The following ARHGAP42 variants were observed in gnomAD, a reference collection of about 807,000 sequenced individuals.
ARHGAP42 encodes Rho GTPase activating protein 42, also known as rho GTPase-activating protein 42.
ARHGAP42 carries 63 observed loss-of-function variants against 125.0 expected under a neutral mutation model. The observed-to-expected ratio is 0.50, with a 90% CI of 0.41 to 0.62. The LOEUF is 0.62. Among genes scored for constraint, ARHGAP42 ranks in the 20% least tolerant of loss-of-function variants. ARHGAP42 has a pLI of 0.00. For missense variants in ARHGAP42, 766 were observed against 1,024.2 expected (o/e 0.75, Z 3.44); for synonymous variants, 339 against 351.0 (o/e 0.97, Z 0.38).
intron 3 of ARHGAP42, among the ~76,000 whole-genome samples, chr11:100,818,244 AC>A (rs1279976304): frequency 2.0e-5 from 3 of 152,044 alleles, no homozygotes; most frequent in Non-Finnish European, 4.4e-5. Flanking sequence ...TCATCCACTG[AC>A]CCATTATTCA....
intron 5 of ARHGAP42, among the ~76,000 whole-genome samples, chr11:100,918,775 C>T (rs1409064638): frequency 2.0e-5 from 3 of 152,104 alleles, no homozygotes; most frequent in East Asian, 1.9e-4. Context: ...TTCAGTAGTC[C>T]GCATTGGAGG....
At position 100,745,143 on chromosome 11, in the gene ARHGAP42, G is replaced by A. The variant is rs144182786; in HGVS notation, c.155-25200G>A. Among the ~76,000 whole-genome samples the A allele has an allele frequency of 2.2e-3, 339 of 152,324 alleles. 2 individuals are homozygous for A. The highest frequency in any genetic ancestry group is 7.6e-3 in the African/African-American group (316 of 41,568). On this transcript the variant is annotated intron_variant, in intron 1 of 23. Transcript: ENST00000298815. Reference sequence around the variant, plus strand: ...CAGGTAATGGGAATAAGTCAGGGTGGAGAAGGTAATTGAAAAAGGTTGCTT... The same window carrying A: ...CAGGTAATGGGAATAAGTCAGGGTGAAGAAGGTAATTGAAAAAGGTTGCTT...
At chr11:100,864,128 T>A (rs1865512205) in intron 4 of ARHGAP42, among the ~76,000 whole-genome samples, 1 of 152,128 alleles carries the variant, frequency 6.6e-6, no homozygotes, top group Non-Finnish European at 1.5e-5. Flanking sequence ...GCACTTTATA[T>A]GCCTGTTGCT....
At chr11:100,815,962 T>C (rs1347832241) in intron 3 of ARHGAP42, among the ~76,000 whole-genome samples, 1 of 152,216 alleles carries the variant, frequency 6.6e-6, no homozygotes, top group Non-Finnish European at 1.5e-5. Flanking sequence ...TCATTCATGT[T>C]GTAGCATGCG....
chr11:100,877,992 G>A (rs1418979340), intron 4 of ARHGAP42, among the ~76,000 whole-genome samples: 10 of 134,450 alleles, frequency 7.4e-5, no homozygotes, highest in South Asian at 2.4e-4. Flanking sequence ...GTGACGCAGC[G>A]AGACTCTGTC....
chr11:100,982,810 G>A (rs754226993), intron 22 of ARHGAP42, among the ~76,000 whole-genome samples: 2 of 152,060 alleles, frequency 1.3e-5, no homozygotes, highest in Non-Finnish European at 2.9e-5. Context: ...AATTACAAAG[G>A]ACAAAAAGCT....
At chr11:100,942,102 G>A (rs757613119) in intron 9 of ARHGAP42, among the ~76,000 whole-genome samples, 2 of 152,118 alleles carry the variant, frequency 1.3e-5, no homozygotes, top group Admixed American at 6.6e-5. Context: ...ATAAGCAGTC[G>A]AGTTAAATGT....
intron 11 of ARHGAP42, among the ~76,000 whole-genome samples, chr11:100,949,569 A>G (rs1344667095): frequency 3.3e-5 from 5 of 152,180 alleles, no homozygotes; most frequent in Non-Finnish European, 5.9e-5. Context: ...CAGGCTAAGC[A>G]GGAAATTGGA....
chr11:100,919,757 G>T (rs1224143362), intron 5 of ARHGAP42, among the ~76,000 whole-genome samples: 3 of 152,094 alleles, frequency 2.0e-5, no homozygotes, highest in Non-Finnish European at 4.4e-5. Context: ...GAATAGAATA[G>T]TGTCCCTAAA....
chr11:100,864,272 C>T (rs1591249072), intron 4 of ARHGAP42, among the ~76,000 whole-genome samples: 1 of 151,866 alleles, frequency 6.6e-6, no homozygotes, highest in African/African-American at 2.4e-5. Flanking sequence ...GCAACCTCCA[C>T]CTCCCGGCTT....
intron 2 of ARHGAP42, among the ~76,000 whole-genome samples, chr11:100,780,509 T>C (rs1438910391): frequency 6.6e-6 from 1 of 152,234 alleles, no homozygotes; most frequent in Non-Finnish European, 1.5e-5. Flanking sequence ...AGTGATGAAG[T>C]TGGTCCACCT....
chr11:100,957,178 G>A (rs1198886339), intron 12 of ARHGAP42, among the ~76,000 whole-genome samples: 1 of 152,048 alleles, frequency 6.6e-6, no homozygotes, highest in Non-Finnish European at 1.5e-5. Context: ...ACCATGCCTA[G>A]TAACAGAGCT....
At chr11:100,916,362 C>T (rs1443056599) in intron 5 of ARHGAP42, among the ~76,000 whole-genome samples, 1 of 152,116 alleles carries the variant, frequency 6.6e-6, no homozygotes, top group African/African-American at 2.4e-5. Context: ...ATTTAAACAA[C>T]ATATGACATG....
At chr11:100,799,159 A>C (rs1266006950) in intron 3 of ARHGAP42, among the ~76,000 whole-genome samples, 1 of 152,184 alleles carries the variant, frequency 6.6e-6, no homozygotes, top group Non-Finnish European at 1.5e-5. Flanking sequence ...GAAGAATGAG[A>C]GAATTAAAGT....
intron 1 of ARHGAP42, among the ~76,000 whole-genome samples, chr11:100,747,178 T>G (rs114504564): frequency 0.026 from 3,955 of 152,274 alleles, 68 homozygotes; most frequent in Non-Finnish European, 0.031. Context: ...TTCTAAGAAA[T>G]TGATCCTTTG....
intron 5 of ARHGAP42, among the ~76,000 whole-genome samples, chr11:100,918,521 A>T (rs557182884): frequency 4.6e-5 from 7 of 152,144 alleles, no homozygotes; most frequent in Non-Finnish European, 8.8e-5. Flanking sequence ...AAATTATCTC[A>T]TTTCGATTGA....
intron 1 of ARHGAP42, among the ~76,000 whole-genome samples, chr11:100,756,769 T>C (rs749271774): frequency 6.6e-6 from 1 of 152,204 alleles, no homozygotes; most frequent in Non-Finnish European, 1.5e-5. Flanking sequence ...TCAGTTCTGG[T>C]TGCTAAATAA....
At chr11:100,729,767 A>C (rs1402447340) in intron 1 of ARHGAP42, among the ~76,000 whole-genome samples, 2 of 151,968 alleles carry the variant, frequency 1.3e-5, no homozygotes, top group Admixed American at 1.3e-4. Context: ...ATATCATGTA[A>C]CACTGTTTCC....
intron 3 of ARHGAP42, among the ~76,000 whole-genome samples, chr11:100,852,659 G>T (rs900800617): frequency 6.6e-6 from 1 of 152,144 alleles, no homozygotes; most frequent in South Asian, 2.1e-4. Context: ...AGCTCAGCTT[G>T]GGATGTACAG....
Sources: allele counts gnomAD v4.1 joint callset (sites outside exome capture counted in the v4.1 genomes callset), GRCh38; gene constraint gnomAD v4.1.1; transcripts MANE v1.5; gene names NCBI Gene and HGNC (gene_info 2026-07-23, HGNC 2026-07-21).